Variants in ROBO1 observed in about 807,000 individuals in gnomAD.
ROBO1 encodes roundabout homolog 1.
A neutral mutation model predicts 195.9 loss-of-function variants in ROBO1; 149 were observed. The observed-to-expected ratio is 0.76, with a 90% CI of 0.67 to 0.87. The LOEUF (loss-of-function observed/expected upper bound fraction) is 0.87, where lower values mean the gene tolerates loss of function less well. Ranked by LOEUF, ROBO1 falls within the 40% of genes least tolerant of loss-of-function variation. The pLI is 0.00. For synonymous variants in ROBO1, 816 were observed against 733.2 expected (o/e 1.11, Z -1.82); for missense variants, 1,933 against 2,068.3 (o/e 0.93, Z 1.27).
intron 2 of ROBO1, among the ~76,000 whole-genome samples, chr3:79,305,252 C>T (rs376582056): frequency 1.8e-4 from 28 of 151,958 alleles, no homozygotes; most frequent in African/African-American, 5.8e-4. Flanking sequence ...TTTGAGAGGC[C>T]GAGGCAGGTG....
At chr3:79,430,275 A>G (rs1380762923) in intron 2 of ROBO1, among the ~76,000 whole-genome samples, 1 of 152,126 alleles carries the variant, frequency 6.6e-6, no homozygotes, top group Non-Finnish European at 1.5e-5. Context: ...AGTTCAATAA[A>G]AATAATACTT....
At chr3:79,201,690 C>T (rs1292383615) in intron 2 of ROBO1, among the ~76,000 whole-genome samples, 3 of 151,820 alleles carry the variant, frequency 2.0e-5, no homozygotes, top group Admixed American at 2.0e-4. Flanking sequence ...ATGAATAAAT[C>T]TAGTCCTCAT....
intron 21 of ROBO1, among the ~76,000 whole-genome samples, chr3:78,640,206 A>T (rs1705854316): frequency 2.0e-5 from 3 of 152,176 alleles, no homozygotes; most frequent in African/African-American, 7.2e-5. Context: ...ATGGAATATG[A>T]ACATATTTTT....
At chr3:79,286,989 TG>T (rs1312196873) in intron 2 of ROBO1, among the ~76,000 whole-genome samples, 1 of 152,178 alleles carries the variant, frequency 6.6e-6, no homozygotes, top group Non-Finnish European at 1.5e-5. Context: ...CATCATCCTT[TG>T]CATGCATATG....
chr3:79,136,848 AG>A (rs543754933), intron 2 of ROBO1, among the ~76,000 whole-genome samples: 11 of 152,226 alleles, frequency 7.2e-5, no homozygotes, highest in Non-Finnish European at 1.6e-4. Flanking sequence ...AAAAATCAGT[AG>A]GTGCTTTTAG....
At chr3:78,738,320 G>T (rs1278599011) in intron 5 of ROBO1, among the ~76,000 whole-genome samples, 1 of 152,108 alleles carries the variant, frequency 6.6e-6, no homozygotes, top group African/African-American at 2.4e-5. Context: ...ACTAGGAAAA[G>T]ACCTGATGAC....
chr3:79,722,209 T>C (rs1490108978), intron 1 of ROBO1, among the ~76,000 whole-genome samples: 2 of 152,310 alleles, frequency 1.3e-5, no homozygotes, highest in East Asian at 3.9e-4. Flanking sequence ...ATCAAAGATG[T>C]GATACATCTA....
chr3:78,621,392 A>G (rs1340890515), intron 26 of ROBO1, among the ~76,000 whole-genome samples: 1 of 152,196 alleles, frequency 6.6e-6, no homozygotes, highest in African/African-American at 2.4e-5. Context: ...AAGATGCAGA[A>G]TGGCCGACTT....
At chr3:78,714,217 A>T (rs2081839722) in intron 8 of ROBO1, among the ~76,000 whole-genome samples, 180 bp downstream of exon 8, 1 of 151,984 alleles carries the variant, frequency 6.6e-6, no homozygotes, top group Non-Finnish European at 1.5e-5. Context: ...TTCCTGTAAC[A>T]CTTACAGAGC....
At chr3:79,645,138 T>C (rs1945781131) in intron 1 of ROBO1, among the ~76,000 whole-genome samples, 1 of 152,042 alleles carries the variant, frequency 6.6e-6, no homozygotes, top group African/African-American at 2.4e-5. Flanking sequence ...AACCCAATGA[T>C]GTACCTCAGG....
intron 2 of ROBO1, among the ~76,000 whole-genome samples, chr3:79,375,783 G>T (rs980001737): frequency 1.3e-5 from 2 of 152,222 alleles, no homozygotes; most frequent in African/African-American, 4.8e-5. Flanking sequence ...AAAGCTGAGA[G>T]AAATTAGGTT....
chr3:79,065,472 G>C (rs2078988849), intron 3 of ROBO1, among the ~76,000 whole-genome samples: 1 of 151,952 alleles, frequency 6.6e-6, no homozygotes, highest in Non-Finnish European at 1.5e-5. Context: ...AGGAAATGAG[G>C]ACTTCTTGGA....
Position 79,084,194 on chromosome 3 carries a change from C to G in ROBO1, c.172+41262G>C, listed in dbSNP as rs145664053. ...GGCAAGTCATTTAATCTTAAGTTTT[C>G]TCATCTGTTTAAAGAGGATAATAAA... is the stretch of plus-strand genomic sequence containing the variant. On this transcript the variant is annotated intron_variant, in intron 3 of 30. Coordinates refer to ENST00000464233, the MANE Select transcript of ROBO1 (RefSeq NM_002941.4). Among the ~76,000 whole-genome samples the G allele has an allele frequency of 1.4e-4, 22 of 152,168 alleles. No individual in the cohort carries two copies. In the East Asian group the frequency reaches 4.1e-3, roughly 28 times the overall value.
At chr3:78,630,626 G>C (rs979500628) in intron 25 of ROBO1, among the ~76,000 whole-genome samples, 4 of 152,144 alleles carry the variant, frequency 2.6e-5, no homozygotes, top group African/African-American at 9.7e-5. Flanking sequence ...ACAGATTCTG[G>C]AGTGAGAAAG....
chr3:78,988,792 G>A (rs905244492), intron 3 of ROBO1, among the ~76,000 whole-genome samples: 1 of 152,006 alleles, frequency 6.6e-6, no homozygotes, highest in Admixed American at 6.6e-5. Context: ...ACCAAATAAA[G>A]GAAACATATA....
intron 1 of ROBO1, among the ~76,000 whole-genome samples, chr3:79,606,678 A>G (rs1363773040): frequency 1.3e-5 from 2 of 151,990 alleles, no homozygotes; most frequent in African/African-American, 4.8e-5. Flanking sequence ...CACTGGTGAC[A>G]TATAAATAGA....
At chr3:79,632,552 A>T (rs1348115920) in intron 1 of ROBO1, among the ~76,000 whole-genome samples, 1 of 152,164 alleles carries the variant, frequency 6.6e-6, no homozygotes, top group East Asian at 1.9e-4. Flanking sequence ...GGACAGGCAC[A>T]TTAGAAGTCC....
intron 2 of ROBO1, among the ~76,000 whole-genome samples, chr3:79,152,581 CA>C (rs1474652400): frequency 6.6e-6 from 1 of 151,810 alleles, no homozygotes; most frequent in African/African-American, 2.4e-5. Flanking sequence ...GTATAATAAT[CA>C]TTCATTATAC....
chr3:79,410,292 T>G (rs2037714623), intron 2 of ROBO1, among the ~76,000 whole-genome samples: 1 of 152,214 alleles, frequency 6.6e-6, no homozygotes, highest in Admixed American at 6.6e-5. Context: ...ATAAATTTTA[T>G]GTACTATAGT....
Sources: allele counts gnomAD v4.1 joint callset (sites outside exome capture counted in the v4.1 genomes callset), GRCh38; gene constraint gnomAD v4.1.1; transcripts MANE v1.5; gene names NCBI Gene and HGNC (gene_info 2026-07-23, HGNC 2026-07-21).